Variants in PKP4 observed in about 807,000 individuals in gnomAD.
PKP4 encodes plakophilin 4, also known as plakophilin-4.
A neutral mutation model predicts 145.1 loss-of-function variants in PKP4; 90 were observed. The ratio of observed to expected loss-of-function variants is 0.62; its 90% CI spans 0.52 to 0.74. The LOEUF (loss-of-function observed/expected upper bound fraction) is 0.74. Ranked by LOEUF, PKP4 falls within the 30% of genes least tolerant of loss-of-function variation. The pLI, the probability that PKP4 is intolerant of heterozygous loss-of-function variation, is 0.00. For missense variants in PKP4, 1,340 were observed against 1,482.7 expected (o/e 0.90, Z 1.58); for synonymous variants, 563 against 577.2 (o/e 0.98, Z 0.35).
chr2:158,583,967 C>T (rs533343082), intron 3 of PKP4, among the ~76,000 whole-genome samples: 158 of 152,064 alleles, frequency 1.0e-3, no homozygotes, highest in Non-Finnish European at 1.7e-3. Context: ...AGAAACAGGT[C>T]GTCTACAAAT....
chr2:158,599,136 T>A (rs1393682331), intron 3 of PKP4, among the ~76,000 whole-genome samples: 1 of 152,092 alleles, frequency 6.6e-6, no homozygotes, highest in Non-Finnish European at 1.5e-5. Context: ...AAGAATGACA[T>A]CAGAGGTGAG....
At chr2:158,577,077 A>G (rs1410596518) in intron 2 of PKP4, among the ~76,000 whole-genome samples, 194 bp from the exon 3 acceptor site, 1 of 152,154 alleles carries the variant, frequency 6.6e-6, no homozygotes, top group Non-Finnish European at 1.5e-5. Flanking sequence ...CTGATATTCT[A>G]TTGCCTTTAG....
chr2:158,491,491 T>C (rs899288967), intron 1 of PKP4, among the ~76,000 whole-genome samples: 1 of 152,130 alleles, frequency 6.6e-6, no homozygotes, highest in Non-Finnish European at 1.5e-5. Flanking sequence ...TATCTTTTTT[T>C]GGGTATCCTC....
intron 12 of PKP4, chr2:158,660,538 C>G (rs1028414292): frequency 6.6e-6 from 1 of 152,600 alleles, no homozygotes; most frequent in African/African-American, 2.4e-5. Context: ...TCCACCGCCC[C>G]CTCATCTAGT....
intron 1 of PKP4, among the ~76,000 whole-genome samples, chr2:158,531,782 C>T (rs981186363): frequency 1.3e-5 from 2 of 152,120 alleles, no homozygotes; most frequent in Non-Finnish European, 1.5e-5. Context: ...AAGATCCTGC[C>T]TGCAGTTCAA....
At chr2:158,484,343 G>A (rs370330409) in intron 1 of PKP4, among the ~76,000 whole-genome samples, 6 of 152,166 alleles carry the variant, frequency 3.9e-5, no homozygotes, top group Non-Finnish European at 8.8e-5. Context: ...CACCGCGCCC[G>A]GCCTGCACAT....
intron 2 of PKP4, among the ~76,000 whole-genome samples, chr2:158,566,498 C>T (rs2047002323): frequency 6.9e-6 from 1 of 144,514 alleles, no homozygotes; most frequent in African/African-American, 2.8e-5. Context: ...ATATAAAACC[C>T]AAATTGTTCA....
intron 2 of PKP4, among the ~76,000 whole-genome samples, chr2:158,539,422 G>T (rs144442515): frequency 2.0e-5 from 3 of 152,136 alleles, no homozygotes; most frequent in African/African-American, 7.2e-5. Context: ...CTTTTGTTTG[G>T]CCCCTATGCT....
At chr2:158,618,695 T>C (rs2051891138) in intron 4 of PKP4, among the ~76,000 whole-genome samples, 1 of 152,150 alleles carries the variant, frequency 6.6e-6, no homozygotes, top group African/African-American at 2.4e-5. Flanking sequence ...AAGACACAAT[T>C]TCTGAGCTAC....
intron 1 of PKP4, among the ~76,000 whole-genome samples, chr2:158,467,883 T>C (rs1406872504): frequency 6.6e-6 from 1 of 152,022 alleles, no homozygotes; most frequent in Non-Finnish European, 1.5e-5. Flanking sequence ...ATTATATAAA[T>C]AGATTTATAA....
At chr2:158,667,417 G>A (rs1476174636) in intron 16 of PKP4, among the ~76,000 whole-genome samples, 1 of 152,142 alleles carries the variant, frequency 6.6e-6, no homozygotes, top group Non-Finnish European at 1.5e-5. Context: ...GTCCTAACTG[G>A]GTTTGCTGTA....
intron 1 of PKP4, among the ~76,000 whole-genome samples, chr2:158,507,882 G>T (rs1287135771): frequency 6.6e-6 from 1 of 152,094 alleles, no homozygotes; most frequent in African/African-American, 2.4e-5. Flanking sequence ...ATGTGACCCT[G>T]TTGCTCTCCG....
At chr2:158,602,769 A>C (rs1300470103) in intron 3 of PKP4, among the ~76,000 whole-genome samples, 1 of 152,176 alleles carries the variant, frequency 6.6e-6, no homozygotes, top group East Asian at 1.9e-4. Context: ...TATTATCACG[A>C]AAAAACTGTA....
At chr2:158,561,806 T>A (rs74612385) in intron 2 of PKP4, among the ~76,000 whole-genome samples, 3 of 151,874 alleles carry the variant, frequency 2.0e-5, no homozygotes, top group South Asian at 2.1e-4. Context: ...TTTTTTTTTT[T>A]AATTTAAGTT....
rs555111825 is a variant in PKP4 at position 158,587,651 on chromosome 2, T to C, written c.245+10268T>C. On this transcript the variant is annotated intron_variant, in intron 3 of 21. Transcript: ENST00000389759. ...TATCTGGGTTTTAAAATCTTCTTTA[T>C]TTTGAGAAATGTTAAAAATTGTAAA... Among the ~76,000 whole-genome samples, 26 of 152,120 alleles carry C rather than the reference T, an allele frequency of 1.7e-4. No individual in the cohort carries two copies. The South Asian group carries it at 3.7e-3, about 22-fold the overall frequency.
At chr2:158,584,377 C>T (rs2048616385) in intron 3 of PKP4, among the ~76,000 whole-genome samples, 1 of 152,208 alleles carries the variant, frequency 6.6e-6, no homozygotes, top group Admixed American at 6.5e-5. Context: ...CCAGTGCAGC[C>T]TTCCAATGGC....
chr2:158,530,059 TAATGAC>T (rs1395386188), intron 1 of PKP4, among the ~76,000 whole-genome samples: 5 of 152,198 alleles, frequency 3.3e-5, no homozygotes, highest in Non-Finnish European at 7.3e-5. Flanking sequence ...ATTTCTATGT[TAATGAC>T]AATGTGATGG....
At chr2:158,542,527 A>T (rs2044610252) in intron 2 of PKP4, among the ~76,000 whole-genome samples, 1 of 152,158 alleles carries the variant, frequency 6.6e-6, no homozygotes, top group African/African-American at 2.4e-5. Flanking sequence ...GATGTGGAAT[A>T]ATTTATCTAG....
rs774852097 is a variant in PKP4, at chr2:158,625,250, G to A, written c.976G>A (p.Ala326Thr). 2 of 1,614,056 alleles carry A rather than the reference G, an allele frequency of 1.2e-6. No homozygotes were observed. The highest frequency in any genetic ancestry group is 2.7e-5 in the African/African-American group (2 of 74,902). ...LTLTDAQTRV[A>T]SPSQGQVGSS... is the part of the protein sequence containing the mutation. ...CCTGACGGATGCACAGACTCGAGTA[G>A]CTTCCCCATCCCAAGGCCAGGTGGG... Residue 326 changes from alanine (A) to threonine (T), a missense_variant, in exon 7 of 22, where the codon GCT (alanine) becomes ACT (threonine). Transcript: ENST00000389759.
Sources: allele counts gnomAD v4.1 joint callset (sites outside exome capture counted in the v4.1 genomes callset), GRCh38; gene constraint gnomAD v4.1.1; transcripts MANE v1.5; gene names NCBI Gene and HGNC (gene_info 2026-07-23, HGNC 2026-07-21).